The following CLIP2 variants were observed in gnomAD, a reference collection of about 807,000 sequenced individuals.
CLIP2 encodes the protein CAP-Gly domain containing linker protein 2, also known as CAP-Gly domain-containing linker protein 2.
In CLIP2, 41 loss-of-function variants were observed where a neutral mutation model predicts 111.7. The observed-to-expected ratio is 0.37, with a 90% CI of 0.29 to 0.48. The LOEUF is 0.48. CLIP2 is among the 20% of genes least tolerant of loss of function. The probability of loss-of-function intolerance (pLI) is 0.99; values close to 1 mark genes in which losing one functional copy is unlikely to be tolerated. For missense variants in CLIP2, 1,160 were observed against 1,422.1 expected (o/e 0.82, Z 2.96); for synonymous variants, 660 against 644.2 (o/e 1.02, Z -0.37).
intron 1 of CLIP2, among the ~76,000 whole-genome samples, chr7:74,293,580 G>T (rs927112081): frequency 2.6e-5 from 4 of 152,174 alleles, no homozygotes; most frequent in Non-Finnish European, 5.9e-5. Flanking sequence ...TCTGGGGCTG[G>T]CACAGTTGGG....
chr7:74,362,633 C>T (rs1790365963), intron 7 of CLIP2, among the ~76,000 whole-genome samples: 1 of 145,540 alleles, frequency 6.9e-6, no homozygotes, highest in African/African-American at 2.6e-5. Flanking sequence ...CCTCCAGGTT[C>T]AAGCAATTCT....
chr7:74,394,878 A>C (rs1791403391), intron 13 of CLIP2, among the ~76,000 whole-genome samples: 1 of 152,086 alleles, frequency 6.6e-6, no homozygotes, highest in East Asian at 1.9e-4. Flanking sequence ...TGGAAAAGTT[A>C]TTCTTGGTGC....
At chr7:74,304,248 C>T (rs1051658149) in intron 1 of CLIP2, among the ~76,000 whole-genome samples, 10 of 151,620 alleles carry the variant, frequency 6.6e-5, no homozygotes, top group Admixed American at 2.0e-4. Flanking sequence ...ATTAAGAAGC[C>T]GGGCATGGTG....
At chr7:74,390,158 GAA>G (rs1791238620) in intron 13 of CLIP2, among the ~76,000 whole-genome samples, 1 of 41,892 alleles carries the variant, frequency 2.4e-5, no homozygotes, top group African/African-American at 1.2e-4. Flanking sequence ...GAAAAAGAAA[GAA>G]AGAAGAAAGA....
intron 1 of CLIP2, among the ~76,000 whole-genome samples, chr7:74,291,081 C>T (rs1584295419): frequency 6.6e-6 from 1 of 152,278 alleles, no homozygotes; most frequent in Non-Finnish European, 1.5e-5. Context: ...GTTAGAGAAA[C>T]AGCTTAGGAT....
chr7:74,393,662 A>G (rs547679492), intron 13 of CLIP2, among the ~76,000 whole-genome samples: 1 of 152,284 alleles, frequency 6.6e-6, no homozygotes, highest in African/African-American at 2.4e-5. Flanking sequence ...ACCCAAGTTA[A>G]AGGAATCTCT....
At chr7:74,353,330 A>G (rs1554307912) in intron 3 of CLIP2, among the ~76,000 whole-genome samples, 1 of 150,498 alleles carries the variant, frequency 6.6e-6, no homozygotes, top group African/African-American at 2.5e-5. Context: ...GGCTCACTGC[A>G]AGCTCCACCT....
Position 74,339,848 on chromosome 7 carries a change from G to A in CLIP2, c.678+844G>A, listed in dbSNP as rs534812512. ...CGTGCTTGTAATCTCAGCACTTTGG[G>A]AGGCTGAGATGGGAGGATCACTTGA... is the stretch of plus-strand genomic sequence containing the variant. On this transcript the variant is annotated intron_variant, in intron 3 of 16. Transcript: ENST00000223398. Among the ~76,000 whole-genome samples the A allele has an allele frequency of 4.6e-5, 7 of 152,160 alleles. No homozygotes were observed. In the South Asian group the frequency reaches 1.0e-3, roughly 23 times the overall value.
chr7:74,320,622 G>A (rs781953935), intron 2 of CLIP2, among the ~76,000 whole-genome samples: 1 of 152,162 alleles, frequency 6.6e-6, no homozygotes, highest in South Asian at 2.1e-4. Context: ...GCAGAGAACG[G>A]ATTGTAGGGT....
intron 7 of CLIP2, among the ~76,000 whole-genome samples, chr7:74,361,228 TTTC>T: frequency 1.8e-5 from 1 of 56,976 alleles, no homozygotes; most frequent in Admixed American, 2.2e-4. Flanking sequence ...TCCCTTTTTC[TTTC>T]TTTTTTTCAG....
intron 1 of CLIP2, among the ~76,000 whole-genome samples, chr7:74,303,456 G>A (rs180795593): frequency 6.6e-6 from 1 of 152,186 alleles, no homozygotes; most frequent in African/African-American, 2.4e-5. Context: ...CCCCCTTCAT[G>A]CTCAGAGAAG....
intron 13 of CLIP2, among the ~76,000 whole-genome samples, chr7:74,392,303 A>G (rs1210917874): frequency 1.3e-5 from 2 of 150,946 alleles, no homozygotes; most frequent in Non-Finnish European, 2.9e-5. Context: ...GTGAGCCAAG[A>G]TCACGCCGCT....
intron 1 of CLIP2, among the ~76,000 whole-genome samples, chr7:74,295,022 G>A (rs1288163716): frequency 1.3e-5 from 2 of 152,086 alleles, no homozygotes; most frequent in African/African-American, 2.4e-5. Flanking sequence ...GTGCAGTGGC[G>A]TGATCTCGGC....
At chr7:74,388,864 G>T in intron 12 of CLIP2, 1 of 399,866 alleles carries the variant, frequency 2.5e-6, no homozygotes, top group Non-Finnish European at 4.4e-6. Context: ...GCTGAGGCAG[G>T]AGGATTGCTT....
At chr7:74,384,643 G>A (rs1195806279) in intron 11 of CLIP2, among the ~76,000 whole-genome samples, 2 of 151,422 alleles carry the variant, frequency 1.3e-5, no homozygotes, top group African/African-American at 2.4e-5. Context: ...ACAGGGTTTC[G>A]CAATGTTGGC....
At chr7:74,351,203 T>A (rs1048984301) in intron 3 of CLIP2, among the ~76,000 whole-genome samples, 13 of 151,944 alleles carry the variant, frequency 8.6e-5, no homozygotes, top group African/African-American at 3.1e-4. Flanking sequence ...ACGCCTATAA[T>A]CTGAGGCAAG....
intron 13 of CLIP2, among the ~76,000 whole-genome samples, chr7:74,390,162 G>A (rs371951979): frequency 3.5e-5 from 3 of 84,918 alleles, no homozygotes; most frequent in African/African-American, 8.6e-5. Context: ...AAGAAAGAAA[G>A]AAGAAAGAAA....
intron 1 of CLIP2, among the ~76,000 whole-genome samples, chr7:74,305,174 A>AGCCCAGGCACTGTGCCG (rs1788444390): frequency 2.1e-5 from 1 of 47,324 alleles, no homozygotes; most frequent in East Asian, 6.2e-4. Flanking sequence ...GCACTGTGCC[A>AGCCCAGGCACTGTGCCG]TCCGTGCCCA....
intron 1 of CLIP2, among the ~76,000 whole-genome samples, chr7:74,307,919 T>C (rs577075010): frequency 1.2e-4 from 19 of 152,162 alleles, no homozygotes; most frequent in Non-Finnish European, 1.9e-4. Flanking sequence ...AGGTGTGTTG[T>C]CGTGGGAATT....
Sources: allele counts gnomAD v4.1 joint callset (sites outside exome capture counted in the v4.1 genomes callset), GRCh38; gene constraint gnomAD v4.1.1; transcripts MANE v1.5; gene names NCBI Gene and HGNC (gene_info 2026-07-23, HGNC 2026-07-21).